ZNF804B: variants seen among roughly 807,000 people sequenced by gnomAD.
ZNF804B encodes zinc finger 804B.
Under a neutral mutation model 101.4 loss-of-function variants are expected in ZNF804B, and 80 were observed. The observed-to-expected ratio is 0.79, with a 90% CI of 0.66 to 0.95. The LOEUF (loss-of-function observed/expected upper bound fraction) is 0.95, where lower values mean the gene tolerates loss of function less well. Ranked by LOEUF, ZNF804B falls within the 40% of genes least tolerant of loss-of-function variation. ZNF804B has a pLI of 0.00. For missense variants in ZNF804B, 1,673 were observed against 1,561.9 expected, an observed-to-expected ratio of 1.07 and a Z score of -1.20; for synonymous variants, 622 against 558.8, an observed-to-expected ratio of 1.11 and a Z score of -1.59.
chr7:89,137,921 G>A lies in ZNF804B; in HGVS notation c.109-80234G>A, dbSNP rs190708227. Among the ~76,000 whole-genome samples, 145 of 152,168 alleles carry A rather than the reference G, an allele frequency of 9.5e-4. No homozygotes were observed. In the Middle Eastern group the frequency reaches 0.01, roughly 11 times the overall value. On this transcript the variant is annotated intron_variant, in intron 1 of 3. Transcript: ENST00000333190. The stretch of plus-strand genomic sequence containing the variant: ...GAGTCCCCAAGCTGTATGCATTCTA[G>A]GGACTTGGTGCCCTGTGTCCAGGCT...
At chr7:88,913,320 A>G (rs1792579743) in intron 1 of ZNF804B, among the ~76,000 whole-genome samples, 1 of 152,210 alleles carries the variant, frequency 6.6e-6, no homozygotes, top group African/African-American at 2.4e-5. Flanking sequence ...CTTAAATTCA[A>G]ATTCATTACT....
chr7:88,768,798 T>A (rs1419233027), intron 1 of ZNF804B, among the ~76,000 whole-genome samples: 1 of 152,226 alleles, frequency 6.6e-6, no homozygotes, highest in Admixed American at 6.5e-5. Flanking sequence ...AATGTATTTC[T>A]CTCTTTGGGT....
At chr7:89,264,526 C>T (rs1187090992) in intron 2 of ZNF804B, among the ~76,000 whole-genome samples, 1 of 152,150 alleles carries the variant, frequency 6.6e-6, no homozygotes, top group African/African-American at 2.4e-5. Context: ...GCACACCACC[C>T]TTCAATCTCT....
intron 1 of ZNF804B, among the ~76,000 whole-genome samples, chr7:89,096,161 A>C (rs1481231431): frequency 6.6e-6 from 1 of 151,962 alleles, no homozygotes. Flanking sequence ...TTTAAAAAAA[A>C]AAAAAAAAAA....
chr7:89,043,340 A>C (rs1264676021), intron 1 of ZNF804B, among the ~76,000 whole-genome samples: 1 of 152,220 alleles, frequency 6.6e-6, no homozygotes, highest in African/African-American at 2.4e-5. Context: ...ATTCAATGTG[A>C]ATTTTTTACA....
At chr7:89,182,316 A>C (rs1788309806) in intron 1 of ZNF804B, among the ~76,000 whole-genome samples, 1 of 152,180 alleles carries the variant, frequency 6.6e-6, no homozygotes, top group African/African-American at 2.4e-5. Flanking sequence ...AGCAATCAAA[A>C]TTCTGCTAAT....
At chr7:89,278,105 G>A (rs952128528) in intron 2 of ZNF804B, among the ~76,000 whole-genome samples, 2 of 152,136 alleles carry the variant, frequency 1.3e-5, no homozygotes, top group African/African-American at 2.4e-5. Context: ...GGCCAGTGAT[G>A]GTGAGCATTT....
chr7:88,907,107 C>T (rs1012903206), intron 1 of ZNF804B, among the ~76,000 whole-genome samples: 3 of 151,936 alleles, frequency 2.0e-5, no homozygotes, highest in Non-Finnish European at 4.4e-5. Context: ...TTCATGTCCA[C>T]TACAAATTTG....
At position 89,027,511 on chromosome 7, in the gene ZNF804B, T is replaced by C. The variant is rs185146774; in HGVS notation, c.109-190644T>C. ...CCCTTCTTTCCACCCTACAAGAAGCTAATTACATTTTATACTTTCAACATC... is the reference window on the plus strand; with the variant it reads ...CCCTTCTTTCCACCCTACAAGAAGCCAATTACATTTTATACTTTCAACATC... On this transcript the variant is annotated intron_variant, in intron 1 of 3. Coordinates refer to ENST00000333190, the MANE Select transcript of ZNF804B (RefSeq NM_181646.5). 3.2e-3 allele frequency among the ~76,000 whole-genome samples: 481 copies of C among 152,322 alleles called. 8 individuals are homozygous for C. Among genetic ancestry groups the C allele is most frequent in the African/African-American group, 0.011 (455 of 41,576 alleles).
chr7:88,870,153 G>T, intron 1 of ZNF804B, among the ~76,000 whole-genome samples: 1 of 151,358 alleles, frequency 6.6e-6, no homozygotes, highest in East Asian at 2.0e-4. Context: ...TTGGGAGGCC[G>T]AGACGGGCGG....
chr7:88,828,640 A>T (rs1383118037), intron 1 of ZNF804B, among the ~76,000 whole-genome samples: 3 of 152,112 alleles, frequency 2.0e-5, no homozygotes, highest in Admixed American at 2.0e-4. Context: ...GTAGCTTGAA[A>T]CCTATTGGGT....
intron 1 of ZNF804B, among the ~76,000 whole-genome samples, chr7:88,906,664 A>G (rs1014726692): frequency 2.0e-5 from 3 of 152,108 alleles, no homozygotes; most frequent in Non-Finnish European, 4.4e-5. Flanking sequence ...CATGTGGTCA[A>G]TCTTAGGATA....
intron 2 of ZNF804B, among the ~76,000 whole-genome samples, chr7:89,278,053 A>C (rs1486903776): frequency 1.3e-5 from 2 of 152,130 alleles, no homozygotes; most frequent in Non-Finnish European, 2.9e-5. Context: ...TAACTGGTGT[A>C]AGATGATATC....
intron 2 of ZNF804B, among the ~76,000 whole-genome samples, chr7:89,226,919 A>G (rs546174524): frequency 6.6e-6 from 1 of 152,214 alleles, no homozygotes; most frequent in African/African-American, 2.4e-5. Flanking sequence ...CATTAAAAAC[A>G]TCACATAAGT....
chr7:89,249,288 T>C (rs144913350), intron 2 of ZNF804B, among the ~76,000 whole-genome samples: 23 of 152,274 alleles, frequency 1.5e-4, no homozygotes, highest in South Asian at 6.2e-4. Context: ...GGACCTAATA[T>C]ATATGTACAG....
chr7:89,100,831 C>T (rs1259531384), intron 1 of ZNF804B, among the ~76,000 whole-genome samples: 2 of 152,070 alleles, frequency 1.3e-5, no homozygotes, highest in Admixed American at 6.6e-5. Context: ...AATTATCTCA[C>T]ATACTACATA....
intron 2 of ZNF804B, among the ~76,000 whole-genome samples, chr7:89,233,195 G>A (rs752806733): frequency 6.6e-6 from 1 of 152,102 alleles, no homozygotes; most frequent in Admixed American, 6.5e-5. Flanking sequence ...CAGAGTGCTG[G>A]GATTACAGGC....
chr7:88,978,724 C>T (rs2116127731), intron 1 of ZNF804B, among the ~76,000 whole-genome samples: 1 of 151,508 alleles, frequency 6.6e-6, no homozygotes, highest in East Asian at 2.0e-4. Flanking sequence ...TAAGTAAAGA[C>T]TTACTACTGC....
At chr7:89,276,687 A>T (rs781594155) in intron 2 of ZNF804B, among the ~76,000 whole-genome samples, 2 of 151,782 alleles carry the variant, frequency 1.3e-5, no homozygotes, top group African/African-American at 2.4e-5. Context: ...TTGAAAGTAT[A>T]TTTGTTAATA....
Sources: gnomAD v4.1 joint callset for allele counts (sites outside exome capture counted in the v4.1 genomes callset) on GRCh38, gnomAD v4.1.1 for gene constraint, MANE v1.5 for transcripts, NCBI Gene and HGNC (gene_info 2026-07-23, HGNC 2026-07-21) for gene names.